SYT10: variants seen among roughly 807,000 people sequenced by gnomAD.
SYT10 encodes the protein synaptotagmin 10, also known as synaptotagmin-10.
Under a neutral mutation model 51.1 loss-of-function variants are expected in SYT10, and 31 were observed. The observed-to-expected ratio is 0.61, with a 90% CI of 0.46 to 0.82. SYT10 has a LOEUF of 0.82. SYT10 is among the 40% of genes least tolerant of loss of function. The pLI, the probability that SYT10 is intolerant of heterozygous loss-of-function variation, is 0.00. For missense variants in SYT10, 603 were observed against 634.0 expected (o/e 0.95, Z 0.53); for synonymous variants, 233 against 225.9 (o/e 1.03, Z -0.28).
chr12:33,418,765 TC>T (rs1866476072), intron 2 of SYT10, among the ~76,000 whole-genome samples: 2 of 152,200 alleles, frequency 1.3e-5, no homozygotes, highest in African/African-American at 4.8e-5. Flanking sequence ...ACTTCCCTGG[TC>T]TGAAACACCA....
chr12:33,437,061 A>G (rs1158381794), intron 1 of SYT10, among the ~76,000 whole-genome samples: 1 of 152,178 alleles, frequency 6.6e-6, no homozygotes. Context: ...TATTTGGCAA[A>G]CAATCTTTAA....
intron 3 of SYT10, among the ~76,000 whole-genome samples, chr12:33,403,483 C>A (rs546106807): frequency 7.2e-4 from 109 of 152,276 alleles, no homozygotes; most frequent in Non-Finnish European, 3.2e-4. Flanking sequence ...GATCCACCCC[C>A]CTCAGCCTCC....
At chr12:33,413,946 A>G (rs189164650) in intron 2 of SYT10, among the ~76,000 whole-genome samples, 3,948 of 152,268 alleles carry the variant, frequency 0.026, 84 homozygotes, top group Non-Finnish European at 0.04. Flanking sequence ...CCCATCTCAC[A>G]TGCAGAGACA....
intron 2 of SYT10, 60 bp downstream of exon 2, chr12:33,426,078 A>G: frequency 6.9e-7 from 1 of 1,458,064 alleles, no homozygotes; most frequent in Non-Finnish European, 9.2e-7. Context: ...ACACACACAC[A>G]CACACACACA....
chr12:33,406,944 G>C lies in SYT10; in HGVS notation c.922C>G (p.Gln308Glu), dbSNP rs759382079. The C allele has an allele frequency of 1.2e-6, 2 of 1,613,932 alleles. No individual in the cohort carries two copies. Among genetic ancestry groups the C allele is most frequent in the African/African-American group, 1.3e-5 (1 of 74,908 alleles). The change falls in exon 3 of 7, where the codon CAA becomes GAA. Residue 308 changes from glutamine to glutamate, a missense_variant. Physicochemically the swap from Gln to Glu is conservative, Grantham distance 29 (BLOSUM62 2). Coordinates refer to ENST00000228567, the MANE Select transcript of SYT10 (RefSeq NM_198992.4). The part of the protein sequence containing the change: ...ETFQFPVAYD[Q>E]LSNRKLHFSV... ...AAATGTAGTTTTCGGTTGCTTAGTT[G>C]ATCATATGCTACAGGAAATTGAAAA...
At chr12:33,411,600 A>G (rs1866405687) in intron 2 of SYT10, among the ~76,000 whole-genome samples, 1 of 152,186 alleles carries the variant, frequency 6.6e-6, no homozygotes, top group Non-Finnish European at 1.5e-5. Context: ...CCGTTACTAT[A>G]TAGAGAAACA....
chr12:33,404,270 C>T (rs1038566051), intron 3 of SYT10, among the ~76,000 whole-genome samples: 3 of 152,178 alleles, frequency 2.0e-5, no homozygotes, highest in African/African-American at 7.2e-5. Flanking sequence ...ATGCCTGTGG[C>T]CTCTAGAGTC....
rs1305245592 is a variant in SYT10 at position 33,439,729 on chromosome 12, G to T, written c.-207C>A. 9 of 592,954 alleles carry T rather than the reference G, an allele frequency of 1.5e-5. No homozygotes were observed. The East Asian group carries it at 2.8e-4, about 19-fold the overall frequency. The allele number at this position is 592,954 out of a possible 1,614,324, so 36.7% of individuals were successfully genotyped here. On this transcript the variant is annotated 5_prime_UTR_variant, in exon 1 of 7. Transcript: ENST00000228567. ...GGGCGTAGGGGAAGGAGAGGCGCGC[G>T]AGGAGGCTGCGGCTGCCGCGAGGTT...
At chr12:33,415,027 C>T (rs986231661) in intron 2 of SYT10, among the ~76,000 whole-genome samples, 11 of 152,202 alleles carry the variant, frequency 7.2e-5, no homozygotes, top group South Asian at 6.2e-4. Context: ...CACTGGAATA[C>T]GAGCAAATTC....
At chr12:33,428,818 A>G (rs562807210) in intron 1 of SYT10, among the ~76,000 whole-genome samples, 8 of 150,902 alleles carry the variant, frequency 5.3e-5, no homozygotes, top group Admixed American at 4.6e-4. Flanking sequence ...AGGCAGGAGA[A>G]TGGCGTGAGC....
At position 33,439,486 on chromosome 12, in the gene SYT10, A is replaced by G. The variant is rs550901250; in HGVS notation, c.37T>C (p.Cys13Arg). 3 of 1,614,084 alleles carry G rather than the reference A, an allele frequency of 1.9e-6. No individual in the cohort carries two copies. Among genetic ancestry groups the G allele is most frequent in the Non-Finnish European group, 2.5e-6 (3 of 1,180,018 alleles). The part of the protein sequence containing the change: ...FHKEDGVNSL[C>R]QKALHIVTEL... ...GTGACGATGTGCAGAGCCTTCTGGC[A>G]CAGACTGTTCACTCCGTCCTCCTTG... The change falls in exon 1 of 7, where the codon TGC (cysteine) becomes CGC (arginine). Residue 13 changes from cysteine (C) to arginine (R), a missense_variant. By Grantham distance (180) the Cys-to-Arg change is radical. Transcript: ENST00000228567.
intron 3 of SYT10, among the ~76,000 whole-genome samples, chr12:33,401,810 A>G (rs1866309477): frequency 6.6e-6 from 1 of 152,288 alleles, no homozygotes; most frequent in African/African-American, 2.4e-5. Context: ...TTAATCTCAT[A>G]TGAAAATTTG....
In SYT10 at chr12:33,423,783, T is replaced by C. The variant is rs80005060; in HGVS notation, c.509+2355A>G. The C allele has an allele frequency of 2.4e-3, 853 of 361,524 alleles. 15 individuals carry two copies. Among genetic ancestry groups the C allele is most frequent in the African/African-American group, 0.017 (784 of 46,972 alleles). The allele number at this position is 361,524 out of a possible 1,614,324, so 22.4% of individuals were successfully genotyped here. A position where few individuals can be genotyped will look rare whatever the true frequency, so the allele number is the denominator to read the frequency against. ...ACATCCCTTTGGCGTTTATGCTTAATATGTGTTCATCCATCTGGATAAATT... is the reference window on the plus strand; with the variant it reads ...ACATCCCTTTGGCGTTTATGCTTAACATGTGTTCATCCATCTGGATAAATT... On this transcript the variant is annotated intron_variant, in intron 2 of 6. Transcript: ENST00000228567.
intron 2 of SYT10, among the ~76,000 whole-genome samples, chr12:33,409,505 A>G (rs1366795994): frequency 6.9e-6 from 1 of 144,874 alleles, no homozygotes; most frequent in African/African-American, 2.6e-5. Context: ...GCGTGAGAAC[A>G]TTGATTTCTT....
intron 1 of SYT10, among the ~76,000 whole-genome samples, chr12:33,430,906 G>T (rs1866591631): frequency 1.3e-5 from 2 of 152,000 alleles, no homozygotes; most frequent in East Asian, 3.9e-4. Flanking sequence ...TAATAATTAG[G>T]GCATGCTTCT....
Position 33,376,822 on chromosome 12 carries a change from T to C in SYT10, c.*8A>G, listed in dbSNP as rs1283213589. The C allele has an allele frequency of 1.9e-6, 3 of 1,614,122 alleles. No individual in the cohort carries two copies. Among genetic ancestry groups the C allele is most frequent in the East Asian group, 4.5e-5 (2 of 44,872 alleles). The stretch of plus-strand genomic sequence containing the variant: ...GATGCTTAATATCATGGTCTCATTT[T>C]GGAGGCATTATGGTGTGGAAGGTGG... On this transcript the variant is annotated 3_prime_UTR_variant, in exon 7 of 7. Transcript: ENST00000228567.
chr12:33,401,370 G>A (rs1866302983), intron 3 of SYT10, among the ~76,000 whole-genome samples: 1 of 152,140 alleles, frequency 6.6e-6, no homozygotes, highest in African/African-American at 2.4e-5. Flanking sequence ...CGTATTAGAG[G>A]TGGTTGGCTT....
intron 2 of SYT10, among the ~76,000 whole-genome samples, chr12:33,422,106 A>G (rs1255295467): frequency 3.9e-5 from 6 of 152,130 alleles, no homozygotes; most frequent in African/African-American, 1.4e-4. Flanking sequence ...AAAAACTTAA[A>G]AAAAAAGCAA....
At chr12:33,392,953 T>C (rs1174472950) in intron 3 of SYT10, among the ~76,000 whole-genome samples, 7 of 125,236 alleles carry the variant, frequency 5.6e-5, no homozygotes, top group African/African-American at 2.1e-4. Flanking sequence ...TAACTACTAG[T>C]TTGGTGCAAA....
Sources: allele counts gnomAD v4.1 joint callset (sites outside exome capture counted in the v4.1 genomes callset), GRCh38; gene constraint gnomAD v4.1.1; transcripts MANE v1.5; gene names NCBI Gene and HGNC (gene_info 2026-07-23, HGNC 2026-07-21).